LRP2: variants seen among roughly 807,000 people sequenced by gnomAD.
The protein encoded by LRP2 is LDL receptor related protein 2, also known as low-density lipoprotein receptor-related protein 2.
In LRP2, 172 loss-of-function variants were observed where a neutral mutation model predicts 531.0. That is an observed-to-expected ratio of 0.32 (90% CI 0.29 to 0.37). The LOEUF (loss-of-function observed/expected upper bound fraction) is 0.37. Among genes scored for constraint, LRP2 ranks in the 10% least tolerant of loss-of-function variants. The probability of loss-of-function intolerance (pLI) is 1.00; values close to 1 mark genes in which losing one functional copy is unlikely to be tolerated. For missense variants in LRP2, 5,167 were observed against 5,868.3 expected, an observed-to-expected ratio of 0.88 and a Z score of 3.90; for synonymous variants, 1,992 against 2,027.6, an observed-to-expected ratio of 0.98 and a Z score of 0.47.
rs1685338954 is a variant in LRP2, at chr2:169,132,687, G to A, written c.13621-6C>T. ...ACATTTTCAGATACAGTCACCTGTG[G>A]ACATGTTAAAGGCCTTTACCCAATT... On this transcript the variant is annotated splice_region_variant and splice_polypyrimidine_tract_variant and intron_variant, in intron 76 of 78. Transcript: ENST00000649046. The A allele has an allele frequency of 3.5e-6, 5 of 1,437,390 alleles. No homozygotes were observed. In the South Asian group the frequency reaches 4.6e-5, roughly 13 times the overall value. 89.0% of individuals were successfully genotyped at this position (1,437,390 alleles called of 1,614,324 possible).
At chr2:169,358,896 C>G (rs892140781) in intron 1 of LRP2, among the ~76,000 whole-genome samples, 53 of 83,898 alleles carry the variant, frequency 6.3e-4, no homozygotes, top group African/African-American at 3.0e-3. Flanking sequence ...ATACGATTTT[C>G]TCAAAAAAAA....
intron 65 of LRP2, among the ~76,000 whole-genome samples, chr2:169,155,465 C>T (rs1030369030): frequency 6.6e-6 from 1 of 152,120 alleles, no homozygotes; most frequent in South Asian, 2.1e-4. Flanking sequence ...CAAATGTATG[C>T]TTTAAAAGCT....
chr2:169,336,565 C>T (rs776632367), intron 1 of LRP2, among the ~76,000 whole-genome samples: 9 of 151,506 alleles, frequency 5.9e-5, no homozygotes, highest in South Asian at 2.1e-4. Flanking sequence ...CACACACACA[C>T]GCACAGAGGA....
intron 66 of LRP2, 49 bp from the exon 67 acceptor site, chr2:169,153,013 AAGGAAGAAC>A: frequency 6.4e-7 from 1 of 1,570,640 alleles, no homozygotes; most frequent in Non-Finnish European, 8.8e-7. Context: ...GCATCAAGTA[AAGGAAGAAC>A]AGGGGTCTAA....
At chr2:169,209,875 G>A (rs952617685) in intron 37 of LRP2, among the ~76,000 whole-genome samples, 1 of 152,086 alleles carries the variant, frequency 6.6e-6, no homozygotes, top group Admixed American at 6.5e-5. Flanking sequence ...GGTTTAGGCA[G>A]GGAAGGTACG....
In LRP2 at chr2:169,225,338, G is replaced by C. The variant is rs2105359835; in HGVS notation, c.5510C>G (p.Ser1837Cys). Reference protein sequence around the residue: ...ALDWISRNLYSTNPRTQSIEV... With the variant: ...ALDWISRNLYCTNPRTQSIEV... ...GATTGACTGAGTTCTAGGATTGGTA[G>C]AATAAAGGTTTCTTGAAATCCAATC... is the stretch of plus-strand genomic sequence containing the variant. Residue 1837 changes from serine (S) to cysteine (C), a missense_variant, in exon 33 of 79, where the codon TCT becomes TGT. Around this residue, in one of 6 missense-constraint regions of LRP2, gnomAD observed 2,811 missense variants for 3,058.0 expected, o/e 0.92. Transcript: ENST00000649046. The C allele has an allele frequency of 6.2e-7, 1 of 1,613,918 alleles. No individual in the cohort carries two copies. Among genetic ancestry groups the C allele is most frequent in the East Asian group, 2.2e-5 (1 of 44,874 alleles).
intron 35 of LRP2, among the ~76,000 whole-genome samples, chr2:169,214,758 C>T (rs750479149): frequency 3.9e-5 from 6 of 152,166 alleles, no homozygotes; most frequent in Non-Finnish European, 7.3e-5. Flanking sequence ...CAAGCTGAGC[C>T]GTGATCCAAC....
Position 169,213,679 on chromosome 2 carries a change from A to G in LRP2, c.6018T>C (p.Gly2006=), listed in dbSNP as rs1229267842. 2 of 1,613,022 alleles carry G rather than the reference A, an allele frequency of 1.2e-6. No individual in the cohort carries two copies. The highest frequency in any genetic ancestry group is 3.3e-5 in the Admixed American group (2 of 59,976). The change falls in exon 36 of 79, where the codon GGT becomes GGC. Residue 2006 remains glycine (G), a synonymous_variant. Transcript: ENST00000649046. The part of the protein sequence containing the change: ...VLRDNVPNLR[G]LQVYHRRNAA... ...TACTGCGTCTGTGATAAACTTGAAGACCCCTCAGATTTGGAACATTATCTC... is the reference window on the plus strand; with the variant it reads ...TACTGCGTCTGTGATAAACTTGAAGGCCCCTCAGATTTGGAACATTATCTC...
intron 45 of LRP2, among the ~76,000 whole-genome samples, chr2:169,197,669 C>T (rs1314200051): frequency 6.6e-6 from 1 of 152,190 alleles, no homozygotes; most frequent in Non-Finnish European, 1.5e-5. Context: ...TCTATAAGGC[C>T]GTTTTGCTTT....
intron 77 of LRP2, among the ~76,000 whole-genome samples, chr2:169,131,386 T>TA (rs2105325900): frequency 6.6e-6 from 1 of 152,216 alleles, no homozygotes; most frequent in African/African-American, 2.4e-5. Flanking sequence ...TATTTTGATT[T>TA]AAATCAGCAG....
chr2:169,348,071 C>A (rs1156349566), intron 1 of LRP2, among the ~76,000 whole-genome samples: 3 of 152,294 alleles, frequency 2.0e-5, no homozygotes, highest in Admixed American at 6.5e-5. Context: ...TTGCTTTGGG[C>A]AAATTACCTC....
At chr2:169,169,302 G>A (rs1042802486) in intron 60 of LRP2, among the ~76,000 whole-genome samples, 5 of 152,162 alleles carry the variant, frequency 3.3e-5, no homozygotes, top group African/African-American at 7.2e-5. Context: ...ATACTCCATC[G>A]TGTGACTGAG....
chr2:169,279,595 C>A lies in LRP2; in HGVS notation c.1342G>T (p.Val448Phe), dbSNP rs1355928372. The change falls in exon 12 of 79, where the codon GTT becomes TTT. Residue 448 changes from valine (V) to phenylalanine (F), a missense_variant and splice_region_variant. Physicochemically the swap from Val to Phe is conservative, Grantham distance 50 (BLOSUM62 -1). Transcript: ENST00000649046. ...AAACCATTAATGTCAACTGAAAAAACCTGAAAGAAAAACCAAAATTATTAT... is the reference window on the plus strand; with the variant it reads ...AAACCATTAATGTCAACTGAAAAAAACTGAAAGAAAAACCAAAATTATTAT... ...VFWTDTVQNK[V>F]FSVDINGLNI... The A allele has an allele frequency of 2.5e-6, 4 of 1,607,232 alleles. No homozygotes were observed. The highest frequency in any genetic ancestry group is 2.6e-6 in the Non-Finnish European group (3 of 1,174,442).
At chr2:169,200,144 G>A (rs527530947) in intron 44 of LRP2, among the ~76,000 whole-genome samples, 77 of 152,218 alleles carry the variant, frequency 5.1e-4, no homozygotes, top group African/African-American at 1.7e-3. Flanking sequence ...CCAGCTACCC[G>A]GGAGGCTGAG....
chr2:169,310,784 T>G (rs1684572892), intron 3 of LRP2, among the ~76,000 whole-genome samples: 7 of 152,326 alleles, frequency 4.6e-5, no homozygotes. Flanking sequence ...TGGTACCAGC[T>G]CCTCCTTGTA....
intron 25 of LRP2, among the ~76,000 whole-genome samples, chr2:169,240,313 GC>G (rs1305056119): frequency 6.6e-6 from 1 of 152,156 alleles, no homozygotes; most frequent in Non-Finnish European, 1.5e-5. Flanking sequence ...AATGCCTAAA[GC>G]CACCCTAAGA....
Position 169,320,898 on chromosome 2 carries a change from C to T in LRP2, c.80-14G>A. 6.3e-7 allele frequency: 1 copy of T among 1,588,352 alleles called. No homozygotes were observed. ...CACTGTCACATTCTGCAATAATAGA[C>T]AGAAATTTTAAAAACTTATGCCATG... On this transcript the variant is annotated splice_polypyrimidine_tract_variant and intron_variant, in intron 1 of 78. Coordinates refer to ENST00000649046, the MANE Select transcript of LRP2 (RefSeq NM_004525.3).
In LRP2 at chr2:169,147,050, A is replaced by G. The variant is rs563284356; in HGVS notation, c.12591-91T>C. On this transcript the variant is annotated intron_variant, in intron 68 of 78. Transcript: ENST00000649046. ...CAGGGCATTACCTACAGGGAAACCA[A>G]CTGTTTATCTCAGGGACCTGGGTGC... 198 of 1,003,934 alleles carry G rather than the reference A, an allele frequency of 2.0e-4. No individual in the cohort carries two copies. In the South Asian group the frequency reaches 2.6e-3, roughly 13 times the overall value. 62.2% of individuals were successfully genotyped at this position (1,003,934 alleles called of 1,614,324 possible).
intron 9 of LRP2, among the ~76,000 whole-genome samples, chr2:169,285,899 A>G (rs1683844028): frequency 6.6e-6 from 1 of 152,226 alleles, no homozygotes; most frequent in Non-Finnish European, 1.5e-5. Flanking sequence ...CTGGGGAGCC[A>G]TGTCTAAGAT....
Sources: gnomAD v4.1 joint callset for allele counts (sites outside exome capture counted in the v4.1 genomes callset) on GRCh38, gnomAD v4.1.1 for gene constraint, gnomAD v4.1.1 regional missense constraint, MANE v1.5 for transcripts, NCBI Gene and HGNC (gene_info 2026-07-23, HGNC 2026-07-21) for gene names.